The following NUCB1 variants were observed in gnomAD, a reference collection of about 807,000 sequenced individuals.
NUCB1 encodes nucleobindin 1.
A neutral mutation model predicts 61.2 loss-of-function variants in NUCB1; 47 were observed. The observed-to-expected ratio is 0.77, with a 90% CI of 0.61 to 0.98. The LOEUF is 0.98. Ranked by LOEUF, NUCB1 falls within the 50% of genes least tolerant of loss-of-function variation. The pLI is 0.00. For missense variants in NUCB1, 583 were observed against 605.3 expected (o/e 0.96, Z 0.39); for synonymous variants, 234 against 243.1 (o/e 0.96, Z 0.35).
intron 7 of NUCB1, among the ~76,000 whole-genome samples, chr19:48,918,019 T>C (rs1315841724): frequency 9.2e-5 from 14 of 151,908 alleles, no homozygotes; most frequent in Admixed American, 9.2e-4. Context: ...ACAGCGCAGA[T>C]CCAGAGTTTA....
chr19:48,911,380 A>G (rs1163753159), intron 5 of NUCB1, 128 bp downstream of exon 5: 3 of 563,434 alleles, frequency 5.3e-6, no homozygotes, highest in African/African-American at 2.0e-5. Context: ...AGGCTGGTAG[A>G]GGGCTGAGTC....
chr19:48,918,683 G>A (rs764899959), intron 7 of NUCB1, 43 bp from the exon 8 acceptor site: 5 of 1,553,020 alleles, frequency 3.2e-6, no homozygotes, highest in African/African-American at 1.3e-5. Flanking sequence ...TACACATCCC[G>A]TCCTCGGTCC....
At position 48,910,080 on chromosome 19, in the gene NUCB1, T is replaced by A. The variant is rs532389116; in HGVS notation, c.377-1069T>A. On this transcript the variant is annotated intron_variant, in intron 4 of 12. Coordinates refer to ENST00000405315, the MANE Select transcript of NUCB1 (RefSeq NM_006184.6). ...TCTTTTGTTTGTATGTATGTATTTA[T>A]TTTATTTATTTATTTTTCAGACGGA... 7.2e-5 allele frequency among the ~76,000 whole-genome samples: 11 copies of A among 152,046 alleles called. No individual in the cohort carries two copies. In the South Asian group the frequency reaches 1.7e-3, roughly 23 times the overall value.
chr19:48,913,210 T>C lies in NUCB1; in HGVS notation c.666+14T>C, dbSNP rs1348532770. 3.1e-6 allele frequency: 5 copies of C among 1,603,164 alleles called. No homozygotes were observed. The South Asian group carries it at 5.6e-5, about 18-fold the overall frequency. ...GTCAACGTGCCTGTGAGGACCCCAT[T>C]TGTGCCCATCCACTCCCTACCACAT... On this transcript the variant is annotated intron_variant, in intron 6 of 12. Transcript: ENST00000405315.
chr19:48,918,790 C>T lies in NUCB1; in HGVS notation c.816+6C>T, dbSNP rs772592773. 6.2e-7 allele frequency: 1 copy of T among 1,613,396 alleles called. No homozygotes were observed. The highest frequency in any genetic ancestry group is 8.5e-7 in the Non-Finnish European group (1 of 1,179,362). On this transcript the variant is annotated splice_donor_region_variant and intron_variant, in intron 8 of 12. Coordinates refer to ENST00000405315, the MANE Select transcript of NUCB1 (RefSeq NM_006184.6). ...AGGCACTCTTCACCAAGGAGGTGAG[C>T]ATCTTGGAAGCCTCGGGCACCTGGA...
At chr19:48,909,642 A>G (rs923161512) in intron 4 of NUCB1, among the ~76,000 whole-genome samples, 1 of 152,048 alleles carries the variant, frequency 6.6e-6, no homozygotes, top group African/African-American at 2.4e-5. Flanking sequence ...CCCACGCTCA[A>G]GTGATTCTCC....
intron 4 of NUCB1, chr19:48,910,924 A>G: frequency 2.2e-6 from 1 of 446,462 alleles, no homozygotes; most frequent in Non-Finnish European, 4.1e-6. Flanking sequence ...CCTGGCATCT[A>G]GTAAGTAGGC....
intron 4 of NUCB1, among the ~76,000 whole-genome samples, chr19:48,910,465 C>A (rs2037460047): frequency 6.6e-6 from 1 of 151,394 alleles, no homozygotes; most frequent in South Asian, 2.1e-4. Context: ...GTGGGTGGAT[C>A]ACCTGAGGTC....
intron 7 of NUCB1, among the ~76,000 whole-genome samples, chr19:48,914,245 G>C (rs1280906267): frequency 6.6e-6 from 1 of 152,014 alleles, no homozygotes; most frequent in African/African-American, 2.4e-5. Context: ...AAAGTGCTAG[G>C]ATTACAGGCG....
chr19:48,903,938 ATGGATGGATGAGTGGATGGATGGG>A (rs2037384514), intron 2 of NUCB1, among the ~76,000 whole-genome samples: 1 of 129,458 alleles, frequency 7.7e-6, no homozygotes, highest in Non-Finnish European at 1.6e-5. Flanking sequence ...GGGTGGGTGG[ATGGATGGATGAGTGGATGGATGGG>A]TGGATGGATG....
rs2037423879 is a variant in NUCB1, at chr19:48,907,335, G to C, written c.376+1450G>C. On this transcript the variant is annotated intron_variant, in intron 4 of 12. Transcript: ENST00000405315. ...CTGTCTCCCAGGCTGCACTACAGTG[G>C]CGCGATCTCGGCTCACTGCAACCTC... Among the ~76,000 whole-genome samples the C allele has an allele frequency of 2.0e-5, 3 of 147,306 alleles. No homozygotes were observed. In the Admixed American group the frequency reaches 2.0e-4, roughly 10 times the overall value.
chr19:48,901,157 C>T, intron 2 of NUCB1: 1 of 615,134 alleles, frequency 1.6e-6, no homozygotes. Context: ...AACTAAACGT[C>T]TGTTTTTTTA....
chr19:48,918,704 C>T (rs1359457760), intron 7 of NUCB1, 22 bp from the exon 8 acceptor site: 7 of 1,607,146 alleles, frequency 4.4e-6, no homozygotes, highest in African/African-American at 1.3e-5. Context: ...CCTGAGATAC[C>T]TTGCTATCCT....
intron 2 of NUCB1, among the ~76,000 whole-genome samples, chr19:48,901,903 T>C (rs2037356616): frequency 6.6e-6 from 1 of 152,210 alleles, no homozygotes; most frequent in South Asian, 2.1e-4. Context: ...AAGGCTTTGT[T>C]GAGTCCCATT....
intron 5 of NUCB1, among the ~76,000 whole-genome samples, chr19:48,912,365 C>T (rs1385110210): frequency 6.6e-6 from 1 of 152,004 alleles, no homozygotes; most frequent in Non-Finnish European, 1.5e-5. Context: ...ACCTGAAATA[C>T]ATAAATACTA....
intron 2 of NUCB1, 141 bp downstream of exon 2, chr19:48,901,072 CAG>C: frequency 1.0e-6 from 1 of 987,392 alleles, no homozygotes; most frequent in Non-Finnish European, 1.6e-6. Flanking sequence ...CCATTCCTCC[CAG>C]CAGCAGGGGT....
intron 7 of NUCB1, among the ~76,000 whole-genome samples, chr19:48,915,299 C>G (rs2037526560): frequency 6.6e-6 from 1 of 150,812 alleles, no homozygotes; most frequent in East Asian, 2.0e-4. Flanking sequence ...GCCAACATGG[C>G]AAAACCCAGT....
At chr19:48,910,936 C>T (rs1260885608) in intron 4 of NUCB1, 7 of 477,206 alleles carry the variant, frequency 1.5e-5, no homozygotes, top group Non-Finnish European at 2.3e-5. Flanking sequence ...TAAGTAGGCA[C>T]TACATGTTAG....
chr19:48,921,467 T>C (rs1269411914), intron 11 of NUCB1, 143 bp downstream of exon 11: 1 of 950,586 alleles, frequency 1.1e-6, no homozygotes, highest in African/African-American at 1.6e-5. Context: ...CCATCTTGAG[T>C]AAGGGCAGAC....
Sources: gnomAD v4.1 joint callset for allele counts (sites outside exome capture counted in the v4.1 genomes callset) on GRCh38, gnomAD v4.1.1 for gene constraint, MANE v1.5 for transcripts, NCBI Gene and HGNC (gene_info 2026-07-23, HGNC 2026-07-21) for gene names.